The following ZNF469 variants were observed in gnomAD, a reference collection of about 807,000 sequenced individuals.
ZNF469 encodes zinc finger protein 469.
ZNF469 carries 1 observed loss-of-function variant against 1.0 expected under a neutral mutation model. That is an observed-to-expected ratio of 1.00 (90% CI 0.35 to 4.73). The LOEUF (loss-of-function observed/expected upper bound fraction) is 4.73. Ranked by LOEUF, ZNF469 falls within the 30% of genes most tolerant of loss-of-function variation. The pLI, the probability that ZNF469 is intolerant of heterozygous loss-of-function variation, is 0.16. For synonymous variants in ZNF469, 2,703 were observed against 2,363.4 expected (o/e 1.14, Z -4.17); for missense variants, 6,100 against 5,356.3 (o/e 1.14, Z -4.33).
the ZNF469 span, among the ~76,000 whole-genome samples, chr16:88,217,540 A>C: frequency 6.9e-6 from 1 of 144,836 alleles, no homozygotes; most frequent in Non-Finnish European, 1.5e-5. Flanking sequence ...TGCTGCACCC[A>C]CTAACTCGTC....
At chr16:88,141,053 G>A in the ZNF469 span, among the ~76,000 whole-genome samples, 26 of 152,308 alleles carry the variant, frequency 1.7e-4, no homozygotes, top group South Asian at 2.1e-4. Context: ...CAGAGGCATC[G>A]TTGGGCCAAT....
upstream of ZNF469, among the ~76,000 whole-genome samples, chr16:88,380,245 A>AG (rs2092517526): frequency 6.6e-6 from 1 of 150,578 alleles, no homozygotes; most frequent in Non-Finnish European, 1.5e-5. Flanking sequence ...ACTCACACAC[A>AG]AATGCACTCA....
the ZNF469 span, among the ~76,000 whole-genome samples, chr16:88,132,855 T>A: frequency 6.6e-6 from 1 of 152,078 alleles, no homozygotes; most frequent in East Asian, 1.9e-4. Flanking sequence ...TGAAGCGAAT[T>A]TGGACATAAA....
At chr16:88,175,044 G>A in the ZNF469 span, among the ~76,000 whole-genome samples, 1 of 152,052 alleles carries the variant, frequency 6.6e-6, no homozygotes, top group Non-Finnish European at 1.5e-5. Flanking sequence ...AGCTGGAGCT[G>A]TTGTTCATAG....
the ZNF469 span, among the ~76,000 whole-genome samples, chr16:88,145,644 A>G: frequency 2.8e-4 from 42 of 152,356 alleles, no homozygotes; most frequent in African/African-American, 1.0e-3. Context: ...CTAGGGGCCC[A>G]GTGAAGACCA....
At chr16:88,204,399 G>C in the ZNF469 span, among the ~76,000 whole-genome samples, 1 of 152,238 alleles carries the variant, frequency 6.6e-6, no homozygotes, top group Admixed American at 6.5e-5. Flanking sequence ...GTGGGATTGT[G>C]ACACCCGTGG....
the ZNF469 span, among the ~76,000 whole-genome samples, chr16:88,364,877 A>G: frequency 7.9e-5 from 12 of 152,186 alleles, no homozygotes; most frequent in Non-Finnish European, 1.0e-4. Context: ...AGACAGGAGA[A>G]TCCGTTGAAC....
At chr16:88,328,538 G>T in the ZNF469 span, among the ~76,000 whole-genome samples, 3 of 152,186 alleles carry the variant, frequency 2.0e-5, no homozygotes, top group Non-Finnish European at 2.9e-5. Flanking sequence ...TGCTCTGTGG[G>T]GAAGCTGATC....
the ZNF469 span, among the ~76,000 whole-genome samples, chr16:88,331,795 C>T: frequency 0.16 from 23,753 of 151,250 alleles, 1,799 homozygotes; most frequent in Non-Finnish European, 0.17. Context: ...TCATCACCAC[C>T]ATCATCATTC....
chr16:88,373,956 T>C, the ZNF469 span, among the ~76,000 whole-genome samples: 2 of 151,352 alleles, frequency 1.3e-5, no homozygotes, highest in Non-Finnish European at 2.9e-5. Flanking sequence ...TGAGTGGAGA[T>C]TGCACCACTG....
chr16:88,279,869 G>T, the ZNF469 span, among the ~76,000 whole-genome samples: 14 of 101,304 alleles, frequency 1.4e-4, no homozygotes, highest in Admixed American at 2.1e-4. Context: ...GGTCAGTACC[G>T]TGTAGATATC....
At position 88,432,032 on chromosome 16, in the gene ZNF469, G is replaced by C; in HGVS notation, c.4562G>C (p.Gly1521Ala). ...AGCCATTTTCCTGATCTCTCGGGGG[G>C]AAAGGTGCTCAGTAAGACGTGTCCC... ...LPSHFPDLSG[G>A]KVLSKTCPPE... The change falls in exon 3 of 3, where the codon GGA becomes GCA. Residue 1521 changes from glycine to alanine, a missense_variant. Transcript: ENST00000565624. 2 of 1,550,470 alleles carry C rather than the reference G, an allele frequency of 1.3e-6. No homozygotes were observed. Among genetic ancestry groups the C allele is most frequent in the South Asian group, 1.2e-5 (1 of 84,056 alleles).
the ZNF469 span, among the ~76,000 whole-genome samples, chr16:88,204,134 T>C: frequency 0.95 from 135,875 of 143,478 alleles, 64,206 homozygotes; most frequent in East Asian, 0.98. Flanking sequence ...CCGGAGGCGC[T>C]CCGTAACCCC....
At chr16:88,419,711 G>A (rs914859314) in intron 1 of ZNF469, among the ~76,000 whole-genome samples, 2 of 152,162 alleles carry the variant, frequency 1.3e-5, no homozygotes, top group African/African-American at 2.4e-5. Context: ...CAACAGCCAG[G>A]AATGCCCCCA....
chr16:88,247,975 C>G, the ZNF469 span, among the ~76,000 whole-genome samples: 1 of 152,184 alleles, frequency 6.6e-6, no homozygotes, highest in East Asian at 1.9e-4. Flanking sequence ...TCGTCCCAAG[C>G]TGTGACGCGG....
At chr16:88,211,731 C>T in the ZNF469 span, among the ~76,000 whole-genome samples, 6 of 152,144 alleles carry the variant, frequency 3.9e-5, no homozygotes, top group Non-Finnish European at 7.3e-5. Context: ...TTCCTCCAAC[C>T]GTCCAGCTGC....
At chr16:88,307,818 T>C in the ZNF469 span, among the ~76,000 whole-genome samples, 1 of 152,252 alleles carries the variant, frequency 6.6e-6, no homozygotes, top group African/African-American at 2.4e-5. Context: ...AATGGTATTA[T>C]TTGCAGCACA....
chr16:88,121,022 G>A, the ZNF469 span, among the ~76,000 whole-genome samples: 1 of 151,898 alleles, frequency 6.6e-6, no homozygotes, highest in African/African-American at 2.4e-5. Flanking sequence ...CACTGGGATG[G>A]CACGAGGCAC....
At chr16:88,406,208 G>A (rs767908181) in intron 1 of ZNF469, among the ~76,000 whole-genome samples, 2 of 152,208 alleles carry the variant, frequency 1.3e-5, no homozygotes, top group Non-Finnish European at 2.9e-5. Flanking sequence ...AGCTGAGTAC[G>A]GGAAATGGGG....
Sources: gnomAD v4.1 joint callset for allele counts (sites outside exome capture counted in the v4.1 genomes callset) on GRCh38, gnomAD v4.1.1 for gene constraint, MANE v1.5 for transcripts, NCBI Gene and HGNC (gene_info 2026-07-23, HGNC 2026-07-21) for gene names.